The following ASTN2 variants were observed in gnomAD, a reference collection of about 807,000 sequenced individuals.
The protein encoded by ASTN2 is astrotactin-2.
A neutral mutation model predicts 139.8 loss-of-function variants in ASTN2; 54 were observed. That is an observed-to-expected ratio of 0.39 (90% CI 0.31 to 0.48). ASTN2 has a LOEUF of 0.48. ASTN2 is among the 20% of genes least tolerant of loss of function. The pLI, the probability that ASTN2 is intolerant of heterozygous loss-of-function variation, is 0.95. For missense variants in ASTN2, 1,565 were observed against 1,725.1 expected (o/e 0.91, Z 1.64); for synonymous variants, 756 against 719.5 (o/e 1.05, Z -0.81).
chr9:116,828,676 T>A (rs748701014), intron 11 of ASTN2, among the ~76,000 whole-genome samples: 12 of 152,178 alleles, frequency 7.9e-5, no homozygotes, highest in Non-Finnish European at 1.3e-4. Flanking sequence ...TCAACACTCT[T>A]ATTCAACATA....
chr9:117,033,804 C>G lies in ASTN2; in HGVS notation c.1423+6015G>C, dbSNP rs138345947. ...AACCACCTAGCATCCCTGAGCCCCA[C>G]TTTTCACGTACGCAAAATGAGGATA... On this transcript the variant is annotated intron_variant, in intron 6 of 22. Coordinates refer to ENST00000313400, the MANE Select transcript of ASTN2 (RefSeq NM_001365068.1). 4.2e-4 allele frequency among the ~76,000 whole-genome samples: 64 copies of G among 152,170 alleles called. 1 individual carries two copies. Among genetic ancestry groups the G allele is most frequent in the African/African-American group, 1.5e-3 (62 of 41,530 alleles).
chr9:117,185,921 A>G (rs1389529186), intron 3 of ASTN2, among the ~76,000 whole-genome samples: 1 of 152,186 alleles, frequency 6.6e-6, no homozygotes, highest in African/African-American at 2.4e-5. Context: ...ATCTCCATGA[A>G]GCCTGAGACT....
chr9:117,295,257 G>A (rs1834700014), intron 1 of ASTN2, among the ~76,000 whole-genome samples: 1 of 152,094 alleles, frequency 6.6e-6, no homozygotes, highest in Admixed American at 6.5e-5. Flanking sequence ...GGAAAGTGGA[G>A]GTTGCAGGGA....
chr9:116,552,153 C>G (rs936951773), intron 19 of ASTN2: 2 of 152,162 alleles, frequency 1.3e-5, no homozygotes, highest in African/African-American at 4.8e-5. Context: ...TCTCCTAACA[C>G]TAAAGACTCT....
At chr9:117,330,682 C>T (rs1314011529) in intron 1 of ASTN2, among the ~76,000 whole-genome samples, 2 of 152,166 alleles carry the variant, frequency 1.3e-5, no homozygotes, top group African/African-American at 4.8e-5. Context: ...CTCATCTTTC[C>T]TCCCCAGCTG....
intron 3 of ASTN2, among the ~76,000 whole-genome samples, chr9:117,169,301 T>C (rs999620893): frequency 1.3e-5 from 2 of 152,106 alleles, no homozygotes; most frequent in South Asian, 4.1e-4. Context: ...TCAGTCCAAA[T>C]GCCTCTGTTT....
At chr9:116,827,166 G>A (rs866038710) in intron 11 of ASTN2, among the ~76,000 whole-genome samples, 3 of 151,574 alleles carry the variant, frequency 2.0e-5, no homozygotes, top group East Asian at 1.9e-4. Flanking sequence ...AAAATTAGCC[G>A]GGTGCGGTGG....
At chr9:117,204,199 C>G (rs1267353283) in intron 3 of ASTN2, among the ~76,000 whole-genome samples, 7 of 152,176 alleles carry the variant, frequency 4.6e-5, no homozygotes, top group African/African-American at 1.7e-4. Flanking sequence ...TGTGTAGCCT[C>G]CCTGGCTCCA....
chr9:116,647,759 T>A (rs558894985), intron 17 of ASTN2, among the ~76,000 whole-genome samples: 18 of 152,286 alleles, frequency 1.2e-4, no homozygotes, highest in African/African-American at 4.1e-4. Flanking sequence ...AGAAGGCCAG[T>A]TAAACAAAAC....
intron 19 of ASTN2, among the ~76,000 whole-genome samples, chr9:116,506,688 A>G (rs1350411365): frequency 6.6e-6 from 1 of 152,164 alleles, no homozygotes; most frequent in Non-Finnish European, 1.5e-5. Flanking sequence ...CAACCCCCCA[A>G]AAAGTCAGGC....
intron 6 of ASTN2, among the ~76,000 whole-genome samples, chr9:117,023,343 A>T (rs1454409564): frequency 1.3e-5 from 2 of 152,086 alleles, no homozygotes; most frequent in Non-Finnish European, 2.9e-5. Context: ...CAAGTCACCC[A>T]AATGGTTTTG....
intron 19 of ASTN2, among the ~76,000 whole-genome samples, chr9:116,492,440 T>A (rs1849544527): frequency 6.6e-6 from 1 of 152,168 alleles, no homozygotes; most frequent in Admixed American, 6.5e-5. Context: ...CTTAAAGATA[T>A]CTTTTCATCC....
intron 13 of ASTN2, among the ~76,000 whole-genome samples, chr9:116,763,598 G>A (rs753197102): frequency 6.6e-6 from 1 of 152,072 alleles, no homozygotes; most frequent in Non-Finnish European, 1.5e-5. Flanking sequence ...GTTTAAGGAT[G>A]TAGAGTCAGC....
chr9:116,692,837 C>G (rs764873959), intron 16 of ASTN2, among the ~76,000 whole-genome samples: 1 of 152,114 alleles, frequency 6.6e-6, no homozygotes, highest in Admixed American at 6.5e-5. Flanking sequence ...CTGCAACCTC[C>G]ACTTCCTGGT....
intron 19 of ASTN2, among the ~76,000 whole-genome samples, chr9:116,553,618 T>G (rs2119416618): frequency 6.6e-6 from 1 of 152,310 alleles, no homozygotes; most frequent in East Asian, 1.9e-4. Context: ...CAGGAAGACT[T>G]GAGCCCAAGT....
At chr9:116,491,367 T>TA (rs1849512821) in intron 19 of ASTN2, among the ~76,000 whole-genome samples, 1 of 152,226 alleles carries the variant, frequency 6.6e-6, no homozygotes, top group South Asian at 2.1e-4. Context: ...ACCCCTATTT[T>TA]TTCAGTTCCA....
At chr9:116,898,304 G>A (rs1833926853) in intron 10 of ASTN2, among the ~76,000 whole-genome samples, 1 of 151,900 alleles carries the variant, frequency 6.6e-6, no homozygotes, top group African/African-American at 2.4e-5. Flanking sequence ...AGCTACTCGG[G>A]TGGCTAAGAT....
chr9:117,247,148 T>C (rs1162310397), intron 2 of ASTN2, among the ~76,000 whole-genome samples: 1 of 152,080 alleles, frequency 6.6e-6, no homozygotes, highest in Non-Finnish European at 1.5e-5. Context: ...AGAAAAATCA[T>C]AACAGAACAA....
At chr9:116,683,794 ATGCCAGTATACTTAAT>A (rs1860033663) in intron 16 of ASTN2, among the ~76,000 whole-genome samples, 2 of 151,798 alleles carry the variant, frequency 1.3e-5, no homozygotes, top group Non-Finnish European at 1.5e-5. Context: ...TTCTCAATTT[ATGCCAGTATACTTAAT>A]TGCATAAGTG....
Sources: gnomAD v4.1 joint callset for allele counts (sites outside exome capture counted in the v4.1 genomes callset) on GRCh38, gnomAD v4.1.1 for gene constraint, MANE v1.5 for transcripts, NCBI Gene and HGNC (gene_info 2026-07-23, HGNC 2026-07-21) for gene names.